The following HEATR5B variants were observed in gnomAD, a reference collection of about 807,000 sequenced individuals.
HEATR5B encodes the protein HEAT repeat-containing protein 5B.
HEATR5B carries 156 observed loss-of-function variants against 224.1 expected under a neutral mutation model. The ratio of observed to expected loss-of-function variants is 0.70; its 90% CI spans 0.61 to 0.80. The LOEUF (loss-of-function observed/expected upper bound fraction) is 0.80, where lower values mean the gene tolerates loss of function less well. HEATR5B is among the 30% of genes least tolerant of loss of function. The pLI is 0.00. For synonymous variants in HEATR5B, 1,027 were observed against 893.0 expected (o/e 1.15, Z -2.68); for missense variants, 2,323 against 2,535.5 (o/e 0.92, Z 1.80).
intron 2 of HEATR5B, 76 bp from the exon 3 acceptor site, chr2:37,079,407 T>G (rs1672421275): frequency 1.4e-6 from 1 of 696,714 alleles, no homozygotes; most frequent in African/African-American, 1.8e-5. Flanking sequence ...TAAAAAACAC[T>G]TAACACTTAA....
chr2:37,058,552 G>C lies in HEATR5B; in HGVS notation c.1958C>G (p.Ser653Cys), dbSNP rs1203778781. ...ATGAGCTCCATGGGCTTTCATTACA[G>C]ATGGAATGCTAAAATATCAAAAACA... The part of the protein sequence containing the change: ...CAMTMMSHIP[S>C]VMKAHGAHLK... The change falls in exon 14 of 36, where the codon TCT (serine) becomes TGT (cysteine). Residue 653 changes from serine to cysteine, a missense_variant. Ser to Cys is a moderately radical substitution (Grantham distance 112). This residue lies in a region of HEATR5B where 502 missense variants were observed against 517.8 expected (regional missense o/e 0.97). Transcript: ENST00000233099. 2 of 1,601,756 alleles carry C rather than the reference G, an allele frequency of 1.2e-6. No individual in the cohort carries two copies. Among genetic ancestry groups the C allele is most frequent in the East Asian group, 2.2e-5 (1 of 44,790 alleles).
chr2:37,066,322 T>C (rs1375262478), intron 8 of HEATR5B, among the ~76,000 whole-genome samples: 1 of 152,354 alleles, frequency 6.6e-6, no homozygotes, highest in South Asian at 2.1e-4. Context: ...TACATGCCTA[T>C]TTCAAACGGT....
intron 35 of HEATR5B, among the ~76,000 whole-genome samples, chr2:36,987,878 C>T (rs182781184): frequency 6.6e-6 from 1 of 152,102 alleles, no homozygotes; most frequent in African/African-American, 2.4e-5. Context: ...CAGAGACCAA[C>T]CTGGGCAACA....
chr2:37,072,018 T>C, intron 6 of HEATR5B, 92 bp downstream of exon 6: 1 of 1,014,418 alleles, frequency 9.9e-7, no homozygotes, highest in Non-Finnish European at 1.4e-6. Context: ...TAGACAAAGA[T>C]ACCTAAAAAT....
In HEATR5B at chr2:37,068,852, C is replaced by G; in HGVS notation, c.1006G>C (p.Asp336His). ...GTTGCCCGAGGATGGGAAACCAGAT[C>G]AAGTACATGGGACAGGAACGTGGCA... ...SFATFLSHVL[D>H]LVSHPRATQT... Residue 336 changes from aspartate (D) to histidine (H), a missense_variant, in exon 8 of 36, where the codon GAT becomes CAT. Coordinates refer to ENST00000233099, the MANE Select transcript of HEATR5B (RefSeq NM_019024.3). 1 of 1,614,088 alleles carries G rather than the reference C, an allele frequency of 6.2e-7. No homozygotes were observed. The highest frequency in any genetic ancestry group is 1.1e-5 in the South Asian group (1 of 91,074).
chr2:36,994,424 T>C (rs12105781), intron 33 of HEATR5B, among the ~76,000 whole-genome samples: 40,325 of 152,088 alleles, frequency 0.27, 5,699 homozygotes, highest in Non-Finnish European at 0.3. Context: ...GATGCCAGAT[T>C]TTGTAACAGG....
At position 37,068,837 on chromosome 2, in the gene HEATR5B, G is replaced by A; in HGVS notation, c.1021C>T (p.Pro341Ser). 1 of 1,614,116 alleles carries A rather than the reference G, an allele frequency of 6.2e-7. No homozygotes were observed. Among genetic ancestry groups the A allele is most frequent in the South Asian group, 1.1e-5 (1 of 91,092 alleles). ...LSHVLDLVSH[P>S]RATQTHVEAV... ...TCCACATGTGTTTGTGTTGCCCGAG[G>A]ATGGGAAACCAGATCAAGTACATGG... Residue 341 changes from proline to serine, a missense_variant, in exon 8 of 36, where the codon CCT becomes TCT. By Grantham distance (74) the Pro-to-Ser change is moderately conservative. This residue lies in a region of HEATR5B where 502 missense variants were observed against 517.8 expected (regional missense o/e 0.97). Coordinates refer to ENST00000233099, the MANE Select transcript of HEATR5B (RefSeq NM_019024.3).
rs781598789 is a variant in HEATR5B, at chr2:37,007,098, C to T, written c.4729G>A (p.Ala1577Thr). Residue 1577 changes from alanine (A) to threonine (T), a missense_variant, in exon 29 of 36, where the codon GCT becomes ACT. By Grantham distance (58) the Ala-to-Thr change is moderately conservative. Transcript: ENST00000233099. ...TTGTTAATTTCTGGCAAAGATTTAG[C>T]ACTACCCACTGCTCCTGATGCCTGG... ...LNQASGAVGS[A>T]KSLPEINKDR... 3.3e-5 allele frequency: 54 copies of T among 1,613,970 alleles called. No homozygotes were observed. Among genetic ancestry groups the T allele is most frequent in the Non-Finnish European group, 3.2e-5 (38 of 1,179,992 alleles).
At chr2:37,033,216 C>G (rs1162798989) in intron 21 of HEATR5B, among the ~76,000 whole-genome samples, 1 of 152,142 alleles carries the variant, frequency 6.6e-6, no homozygotes, top group Non-Finnish European at 1.5e-5. Context: ...TCTGAAGATG[C>G]TCTTCATTTA....
intron 6 of HEATR5B, among the ~76,000 whole-genome samples, chr2:37,070,619 C>T (rs112896226): frequency 1.3e-5 from 2 of 152,110 alleles, no homozygotes; most frequent in African/African-American, 4.8e-5. Flanking sequence ...AATAAATCTA[C>T]GCAAAATAGT....
At position 37,064,717 on chromosome 2, in the gene HEATR5B, C is replaced by G. The variant is rs1264569284; in HGVS notation, c.1584+23G>C. The G allele has an allele frequency of 1.9e-6, 3 of 1,610,738 alleles. No individual in the cohort carries two copies. The Admixed American group carries it at 5.0e-5, about 27-fold the overall frequency. On this transcript the variant is annotated intron_variant, in intron 10 of 35. Transcript: ENST00000233099. ...ACCAAAGCCCACGTGACAGCATTCC[C>G]AAGTCTAGGATCTCCGTCATACCTT...
At chr2:36,998,130 T>A (rs938173449) in intron 33 of HEATR5B, among the ~76,000 whole-genome samples, 2 of 152,230 alleles carry the variant, frequency 1.3e-5, no homozygotes, top group Non-Finnish European at 2.9e-5. Flanking sequence ...CAGTTTTAGA[T>A]AACGTGGAAA....
intron 33 of HEATR5B, 21 bp from the exon 34 acceptor site, chr2:36,990,820 A>C: frequency 6.5e-7 from 1 of 1,534,454 alleles, no homozygotes; most frequent in Non-Finnish European, 8.8e-7. Context: ...AAAATGAAAG[A>C]AGTGTGCTGT....
At chr2:37,069,037 T>C in intron 7 of HEATR5B, 107 bp from the exon 8 acceptor site, 2 of 1,153,244 alleles carry the variant, frequency 1.7e-6, no homozygotes, top group South Asian at 3.3e-5. Flanking sequence ...GAATGAATTG[T>C]ATTTGAGGCT....
chr2:37,004,399 G>T lies in HEATR5B; in HGVS notation c.4906-713C>A, dbSNP rs187693615. Reference sequence around the variant, plus strand: ...TTCTCTCTCTAGTTAGGCTACTCTTGTCAGTATAATGACAATGCTCAAGTC... The same window carrying T: ...TTCTCTCTCTAGTTAGGCTACTCTTTTCAGTATAATGACAATGCTCAAGTC... On this transcript the variant is annotated intron_variant, in intron 30 of 35. Transcript: ENST00000233099. Among the ~76,000 whole-genome samples, 51 of 150,720 alleles carry T rather than the reference G, an allele frequency of 3.4e-4. 1 individual carries two copies. The highest frequency in any genetic ancestry group is 4.7e-4 in the Non-Finnish European group (32 of 67,750).
chr2:36,991,361 G>T (rs1323788096), intron 33 of HEATR5B, among the ~76,000 whole-genome samples: 1 of 151,980 alleles, frequency 6.6e-6, no homozygotes, highest in African/African-American at 2.4e-5. Context: ...TGGGCATGGT[G>T]GTGCATGCTT....
chr2:37,005,713 A>G lies in HEATR5B; in HGVS notation c.4824T>C (p.Ile1608=). 6.2e-7 allele frequency: 1 copy of G among 1,611,004 alleles called. No individual in the cohort carries two copies. The highest frequency in any genetic ancestry group is 8.5e-7 in the Non-Finnish European group (1 of 1,178,248). The part of the protein sequence containing the change: ...FLCSPRPEEP[I]EHVTACLQAL... ...CCTGCAGGCATGCTGTAACATGTTCAATGGGCTCCTCAGGTCTAGGGGAAC... is the reference window on the plus strand; with the variant it reads ...CCTGCAGGCATGCTGTAACATGTTCGATGGGCTCCTCAGGTCTAGGGGAAC... Residue 1608 remains isoleucine, a synonymous_variant, in exon 30 of 36, where the codon ATT becomes ATC. Coordinates refer to ENST00000233099, the MANE Select transcript of HEATR5B (RefSeq NM_019024.3).
intron 3 of HEATR5B, 37 bp from the exon 4 acceptor site, chr2:37,077,056 G>A: frequency 1.4e-6 from 2 of 1,449,398 alleles, no homozygotes; most frequent in Non-Finnish European, 1.9e-6. Context: ...CATTGTCCAG[G>A]TTAATGATAC....
intron 24 of HEATR5B, among the ~76,000 whole-genome samples, chr2:37,024,707 C>G (rs1467700535): frequency 6.6e-6 from 1 of 152,278 alleles, no homozygotes; most frequent in Middle Eastern, 3.4e-3. Context: ...TTATGCCAAC[C>G]TAAAAGTAAA....
Sources: gnomAD v4.1 joint callset for allele counts (sites outside exome capture counted in the v4.1 genomes callset) on GRCh38, gnomAD v4.1.1 for gene constraint, gnomAD v4.1.1 regional missense constraint, MANE v1.5 for transcripts, NCBI Gene and HGNC (gene_info 2026-07-23, HGNC 2026-07-21) for gene names.